The following LYPD6 variants were observed in gnomAD, a reference collection of about 807,000 sequenced individuals.
LYPD6 encodes the protein ly6/PLAUR domain-containing protein 6.
LYPD6 carries 15 observed loss-of-function variants against 22.7 expected under a neutral mutation model. That is an observed-to-expected ratio of 0.66 (90% CI 0.44 to 1.02). The LOEUF (loss-of-function observed/expected upper bound fraction) is 1.02, where lower values mean the gene tolerates loss of function less well. LYPD6 is among the 50% of genes least tolerant of loss of function. The pLI is 0.00. For synonymous variants in LYPD6, 72 were observed against 77.5 expected (o/e 0.93, Z 0.37); for missense variants, 189 against 208.4 (o/e 0.91, Z 0.57).
At chr2:149,449,627 T>A (rs1683765281) in intron 3 of LYPD6, among the ~76,000 whole-genome samples, 1 of 152,190 alleles carries the variant, frequency 6.6e-6, no homozygotes, top group South Asian at 2.1e-4. Flanking sequence ...ACTATTAAGT[T>A]TTTTTTGAAG....
intron 1 of LYPD6, among the ~76,000 whole-genome samples, chr2:149,424,571 G>A (rs1683151369): frequency 6.6e-6 from 1 of 152,172 alleles, no homozygotes; most frequent in South Asian, 2.1e-4. Context: ...ATAGGTAGAG[G>A]CCAAAACAGG....
At chr2:149,375,716 T>C (rs1391311754) in intron 1 of LYPD6, among the ~76,000 whole-genome samples, 2 of 152,198 alleles carry the variant, frequency 1.3e-5, no homozygotes, top group Non-Finnish European at 2.9e-5. Flanking sequence ...AGTGTTGTTA[T>C]TATTGCTGTT....
intron 1 of LYPD6, among the ~76,000 whole-genome samples, chr2:149,403,318 A>C (rs1429483414): frequency 4.7e-5 from 7 of 150,482 alleles, no homozygotes; most frequent in Admixed American, 1.3e-4. Context: ...TGACTTCCAC[A>C]ATGGTTGAAC....
intron 1 of LYPD6, among the ~76,000 whole-genome samples, chr2:149,389,923 G>A (rs529463634): frequency 2.0e-5 from 3 of 152,318 alleles, no homozygotes; most frequent in African/African-American, 7.2e-5. Context: ...CGGCTGTCTT[G>A]AGATTATGTT....
At chr2:149,433,293 G>C (rs1043077845) in intron 1 of LYPD6, among the ~76,000 whole-genome samples, 3 of 152,206 alleles carry the variant, frequency 2.0e-5, no homozygotes, top group African/African-American at 7.2e-5. Context: ...CCTGTGATGA[G>C]TAGAGGTGGA....
chr2:149,479,522 C>T, the LYPD6 span, among the ~76,000 whole-genome samples: 1 of 152,190 alleles, frequency 6.6e-6, no homozygotes, highest in East Asian at 1.9e-4. Flanking sequence ...TCATCCACTC[C>T]CAGGCTCACC....
intron 1 of LYPD6, among the ~76,000 whole-genome samples, chr2:149,393,020 C>T (rs1682347187): frequency 6.6e-6 from 1 of 152,216 alleles, no homozygotes; most frequent in East Asian, 1.9e-4. Context: ...AGCGAGACTC[C>T]ATCTCACAAA....
At chr2:149,361,227 A>G (rs1297328161) in intron 1 of LYPD6, among the ~76,000 whole-genome samples, 3 of 152,210 alleles carry the variant, frequency 2.0e-5, no homozygotes, top group Admixed American at 2.0e-4. Flanking sequence ...AAAGCGTGAG[A>G]CACAAGGGTA....
At chr2:149,392,072 T>A (rs1682322317) in intron 1 of LYPD6, among the ~76,000 whole-genome samples, 1 of 152,210 alleles carries the variant, frequency 6.6e-6, no homozygotes, top group Non-Finnish European at 1.5e-5. Flanking sequence ...ACCTCCTGGC[T>A]TACAGACTTT....
chr2:149,404,885 C>T (rs1037982388), intron 1 of LYPD6, among the ~76,000 whole-genome samples: 5 of 152,086 alleles, frequency 3.3e-5, no homozygotes, highest in African/African-American at 4.8e-5. Context: ...ATAGATAGGT[C>T]TTATTATTTT....
At chr2:149,389,790 C>T (rs571563059) in intron 1 of LYPD6, among the ~76,000 whole-genome samples, 4 of 152,178 alleles carry the variant, frequency 2.6e-5, no homozygotes, top group Non-Finnish European at 4.4e-5. Context: ...AGACACTCCC[C>T]CTGCTCCTGA....
At chr2:149,356,001 A>T (rs1224181931) in intron 1 of LYPD6, among the ~76,000 whole-genome samples, 1 of 152,114 alleles carries the variant, frequency 6.6e-6, no homozygotes, top group Admixed American at 6.6e-5. Flanking sequence ...GTGTAAAATA[A>T]ATTGAAAGAA....
intron 1 of LYPD6, among the ~76,000 whole-genome samples, chr2:149,360,305 G>A (rs1409172821): frequency 1.3e-5 from 2 of 152,136 alleles, no homozygotes; most frequent in Non-Finnish European, 2.9e-5. Context: ...TTTTGTACCA[G>A]CCTCCTATCT....
At chr2:149,416,868 T>C (rs529092633) in intron 1 of LYPD6, among the ~76,000 whole-genome samples, 1 of 152,368 alleles carries the variant, frequency 6.6e-6, no homozygotes, top group African/African-American at 2.4e-5. Flanking sequence ...TCTAGTGTTC[T>C]GTGAGGCCTG....
chr2:149,478,494 G>A (rs6741491), downstream of LYPD6, among the ~76,000 whole-genome samples: 16 of 152,116 alleles, frequency 1.1e-4, no homozygotes, highest in African/African-American at 3.4e-4. Flanking sequence ...CACAGTCATG[G>A]CTCACTGCAG....
downstream of LYPD6, among the ~76,000 whole-genome samples, chr2:149,478,399 T>TGTGTGTGTGTGC (rs1491190671): frequency 0.017 from 2,614 of 150,054 alleles, 27 homozygotes; most frequent in Middle Eastern, 0.063. Context: ...TGTGTGTGTG[T>TGTGTGTGTGTGC]GCGCGCACGC....
intron 1 of LYPD6, among the ~76,000 whole-genome samples, chr2:149,341,253 C>T (rs1681155260): frequency 6.6e-6 from 1 of 152,086 alleles, no homozygotes; most frequent in African/African-American, 2.4e-5. Context: ...TGTCCTTGGT[C>T]AGGGGTGTCC....
chr2:149,356,205 A>T (rs1017940443), intron 1 of LYPD6, among the ~76,000 whole-genome samples: 2 of 151,740 alleles, frequency 1.3e-5, no homozygotes, highest in African/African-American at 4.8e-5. Context: ...CTCATAGTTT[A>T]TGCCAGCGTT....
chr2:149,447,071 C>G (rs1194282366), intron 2 of LYPD6, among the ~76,000 whole-genome samples: 1 of 152,130 alleles, frequency 6.6e-6, no homozygotes, highest in Admixed American at 6.5e-5. Flanking sequence ...TTGCAGCTTT[C>G]AAATAGGCCA....
Sources: allele counts gnomAD v4.1 joint callset (sites outside exome capture counted in the v4.1 genomes callset), GRCh38; gene constraint gnomAD v4.1.1; transcripts MANE v1.5; gene names NCBI Gene and HGNC (gene_info 2026-07-23, HGNC 2026-07-21).